Variants in BRCA1 observed in about 807,000 individuals in gnomAD.
BRCA1 encodes breast cancer type 1 susceptibility protein.
BRCA1 carries 140 observed loss-of-function variants against 173.7 expected under a neutral mutation model. The ratio of observed to expected loss-of-function variants is 0.81; its 90% CI spans 0.70 to 0.93. The LOEUF is 0.93. Ranked by LOEUF, BRCA1 falls within the 40% of genes least tolerant of loss-of-function variation. BRCA1 has a pLI of 0.00. For missense variants in BRCA1, 1,983 were observed against 2,172.5 expected (o/e 0.91, Z 1.73); for synonymous variants, 662 against 756.0 (o/e 0.88, Z 2.04).
intron 1 of BRCA1, among the ~76,000 whole-genome samples, chr17:43,124,466 A>T (rs2055771746): frequency 6.6e-6 from 1 of 152,128 alleles, no homozygotes; most frequent in Non-Finnish European, 1.5e-5. Context: ...ATAAAACCAA[A>T]ATCAACAACG....
chr17:43,165,268 G>A (rs567484262), intron 1 of BRCA1, among the ~76,000 whole-genome samples: 2 of 152,244 alleles, frequency 1.3e-5, no homozygotes, highest in Non-Finnish European at 2.9e-5. Context: ...TTAATGTCCA[G>A]TTCACAGAAA....
At chr17:43,052,882 T>C (rs1416108763) in intron 19 of BRCA1, among the ~76,000 whole-genome samples, 1 of 150,330 alleles carries the variant, frequency 6.7e-6, no homozygotes, top group Non-Finnish European at 1.5e-5. Context: ...CTGTGTGTTT[T>C]TTTTTTTTTT....
chr17:43,134,741 C>T (rs2056001333), intron 1 of BRCA1, among the ~76,000 whole-genome samples: 1 of 152,214 alleles, frequency 6.6e-6, no homozygotes, highest in East Asian at 1.9e-4. Context: ...AAGGGAGGTT[C>T]TCACTCCTGG....
In BRCA1 at chr17:43,167,997, G is replaced by A. The variant is rs1375261843; in HGVS notation, c.-20+2129C>T. 2.1e-5 allele frequency: 4 copies of A among 191,462 alleles called. No individual in the cohort carries two copies. The Admixed American group carries it at 2.5e-4, about 12-fold the overall frequency. 11.9% of individuals were successfully genotyped at this position (191,462 alleles called of 1,614,324 possible). The stretch of plus-strand genomic sequence containing the variant: ...GAGAGGCAGAGTGGATGGAGAACAA[G>A]GATTCATTTTCTATACTTTTAAAGT... On this transcript the variant is annotated intron_variant, in intron 1 of 7. Transcript: ENST00000634433.
rs61461583 is a variant in BRCA1, at chr17:43,119,276, GA to G, written c.81-3498del. On this transcript the variant is annotated intron_variant, in intron 2 of 22. Coordinates refer to ENST00000357654, the MANE Select transcript of BRCA1 (RefSeq NM_007294.4). ...TGACAGAGAATCCATCTCAAAAAAA[GA>G]AAAAAAAAAAAGAAAAGGATCACAA... 0.49 allele frequency: 91,722 copies of G among 186,938 alleles called. 23,567 individuals are homozygous for G. Among genetic ancestry groups the G allele is most frequent in the African/African-American group, 0.84 (35,447 of 41,968 alleles). The allele number at this position is 186,938 out of a possible 1,614,324, so 11.6% of individuals were successfully genotyped here.
chr17:43,125,333 C>T lies in BRCA1; in HGVS notation c.-82G>A, dbSNP rs1382379016. On this transcript the variant is annotated 5_prime_UTR_variant, in exon 1 of 23. Coordinates refer to ENST00000357654, the MANE Select transcript of BRCA1 (RefSeq NM_007294.4). The stretch of plus-strand genomic sequence containing the variant: ...AGGGGCCCAGTTATCTGAGAAACCC[C>T]ACAGCCTGTCCCCCGTCCAGGAAGT... 2.2e-6 allele frequency: 1 copy of T among 450,790 alleles called. No homozygotes were observed. 27.9% of individuals were successfully genotyped at this position (450,790 alleles called of 1,614,324 possible).
chr17:43,152,976 A>C (rs920504772), intron 1 of BRCA1, among the ~76,000 whole-genome samples: 2 of 152,270 alleles, frequency 1.3e-5, no homozygotes, highest in Non-Finnish European at 2.9e-5. Flanking sequence ...CGGAGGTTGC[A>C]GTGAGCCGAG....
At chr17:43,134,903 C>T (rs765523214) in intron 1 of BRCA1, among the ~76,000 whole-genome samples, 2 of 152,236 alleles carry the variant, frequency 1.3e-5, no homozygotes, top group Non-Finnish European at 2.9e-5. Flanking sequence ...GAGCACAGGA[C>T]GCCCAGGCCG....
intron 1 of BRCA1, among the ~76,000 whole-genome samples, chr17:43,156,141 G>A (rs1239949923): frequency 6.6e-6 from 1 of 152,040 alleles, no homozygotes; most frequent in Admixed American, 6.6e-5. Context: ...GGAGGCTGAG[G>A]CAGGAGAATT....
intron 11 of BRCA1, among the ~76,000 whole-genome samples, chr17:43,087,625 G>A (rs2053276654): frequency 6.9e-6 from 1 of 144,998 alleles, no homozygotes; most frequent in African/African-American, 2.6e-5. Flanking sequence ...TCACACCACT[G>A]CACTCCAGCC....
In BRCA1 at chr17:43,075,565, T is replaced by TC. The variant is rs1597837830; in HGVS notation, c.4484+922_4484+923insG. Among the ~76,000 whole-genome samples the TC allele has an allele frequency of 6.9e-5, 10 of 145,098 alleles. No homozygotes were observed. The South Asian group carries it at 1.7e-3, about 25-fold the overall frequency. On this transcript the variant is annotated intron_variant, in intron 13 of 22. Transcript: ENST00000357654. Reference sequence around the variant, plus strand: ...GACCTGAATTACTGCTCTCTCTCTCTTTTTTTTTTTGTTTTGAGACGGAGT... The same window carrying TC: ...GACCTGAATTACTGCTCTCTCTCTCTCTTTTTTTTTTGTTTTGAGACGGAGT...
At chr17:43,126,173 A>G (rs544240711), upstream of BRCA1, among the ~76,000 whole-genome samples, 1 of 152,324 alleles carries the variant, frequency 6.6e-6, no homozygotes, top group Non-Finnish European at 1.5e-5. Flanking sequence ...GCTCTGGCCC[A>G]TGTCTGCGCA....
At position 43,092,926 on chromosome 17, in the gene BRCA1, A is replaced by G. The variant is rs2154368926; in HGVS notation, c.2605T>C (p.Phe869Leu). The G allele has an allele frequency of 6.2e-7, 1 of 1,613,852 alleles. No homozygotes were observed. The highest frequency in any genetic ancestry group is 8.5e-7 in the Non-Finnish European group (1 of 1,179,986). ...TTTCCTGGATTTGAAAACGGAGCAAATGACTGGCGCTTTGAAACCTTGAAT... is the reference window on the plus strand; with the variant it reads ...TTTCCTGGATTTGAAAACGGAGCAAGTGACTGGCGCTTTGAAACCTTGAAT... ...NTFKVSKRQS[F>L]APFSNPGNAE... The change falls in exon 10 of 23, where the codon TTT becomes CTT. Residue 869 changes from phenylalanine to leucine, a missense_variant. By Grantham distance (22) the Phe-to-Leu change is conservative. Transcript: ENST00000357654.
At position 43,146,165 on chromosome 17, in the gene BRCA1, T is replaced by G. The variant is rs576599761; in HGVS notation, c.-19-22050A>C. Among the ~76,000 whole-genome samples the G allele has an allele frequency of 1.5e-4, 23 of 152,212 alleles. 1 individual carries two copies. Among genetic ancestry groups the G allele is most frequent in the Admixed American group, 9.8e-4 (15 of 15,266 alleles). On this transcript the variant is annotated intron_variant, in intron 1 of 7. Transcript: ENST00000634433. ...TCAGTTGTGAACTGTGGGCCATACA[T>G]AACAGCTGATCAACATGTGAAGATA...
intron 14 of BRCA1, among the ~76,000 whole-genome samples, chr17:43,072,690 G>A (rs1006474762): frequency 6.7e-5 from 10 of 149,800 alleles, no homozygotes; most frequent in Non-Finnish European, 1.2e-4. Context: ...TCAGCCTCCC[G>A]AGTAGCTGGG....
At chr17:43,138,717 A>G (rs1597934797) in intron 1 of BRCA1, 1 of 779,348 alleles carries the variant, frequency 1.3e-6, no homozygotes, top group Non-Finnish European at 2.4e-6. Flanking sequence ...CTGCCAATAA[A>G]AGGTAGTCAC....
rs530468884 is a variant in BRCA1 at position 43,085,022 on chromosome 17, G to GTCC, written c.4186-2448_4186-2447insGGA. ...ATAACTTAGACAAATTCCCCAGCAGGTAAGTGGCCAAATACATTAGGGAGA... is the reference window on the plus strand; with the variant it reads ...ATAACTTAGACAAATTCCCCAGCAGGTCCTAAGTGGCCAAATACATTAGGGAGA... On this transcript the variant is annotated intron_variant, in intron 11 of 22. Coordinates refer to ENST00000357654, the MANE Select transcript of BRCA1 (RefSeq NM_007294.4). 5.1e-4 allele frequency among the ~76,000 whole-genome samples: 78 copies of GTCC among 152,274 alleles called. 1 individual carries two copies. The Middle Eastern group carries it at 0.014, about 27-fold the overall frequency.
chr17:43,055,442 G>A (rs1470075905), intron 19 of BRCA1, among the ~76,000 whole-genome samples: 1 of 151,756 alleles, frequency 6.6e-6, no homozygotes, highest in African/African-American at 2.4e-5. Context: ...GAGGCCAGGA[G>A]ATCAAGGCCA....
chr17:43,166,416 A>G (rs1464079430), intron 1 of BRCA1: 1 of 152,128 alleles, frequency 6.6e-6, no homozygotes, highest in Non-Finnish European at 1.5e-5. Flanking sequence ...CTTGTGCCAT[A>G]CCTTTGAAAC....
Sources: gnomAD v4.1 joint callset for allele counts (sites outside exome capture counted in the v4.1 genomes callset) on GRCh38, gnomAD v4.1.1 for gene constraint, MANE v1.5 for transcripts, NCBI Gene and HGNC (gene_info 2026-07-23, HGNC 2026-07-21) for gene names.